Variants in AFF2 observed in about 807,000 individuals in gnomAD.
AFF2 encodes AF4/FMR2 family member 2.
Under a neutral mutation model 76.9 loss-of-function variants are expected in AFF2, and 14 were observed. That is an observed-to-expected ratio of 0.18 (90% CI 0.12 to 0.28). AFF2 has a LOEUF of 0.28. Ranked by LOEUF, AFF2 falls within the 10% of genes least tolerant of loss-of-function variation. AFF2 has a pLI of 1.00. For missense variants in AFF2, 868 were observed against 1,001.1 expected (o/e 0.87, Z 1.79); for synonymous variants, 398 against 366.7 (o/e 1.09, Z -0.98).
chrX:148,755,995 G>A (rs1021746819), intron 3 of AFF2, among the ~76,000 whole-genome samples: 3 of 112,049 alleles, frequency 2.7e-5, no homozygotes, highest in Admixed American at 1.9e-4. Flanking sequence ...TATTAAAAGA[G>A]GCTGGGCCCA....
intron 1 of AFF2, among the ~76,000 whole-genome samples, chrX:148,519,194 G>C (rs920091878): frequency 9.0e-6 from 1 of 111,448 alleles, no homozygotes; most frequent in Admixed American, 9.6e-5. Flanking sequence ...GTAGTGCAGG[G>C]ACCCTTCTCC....
At position 148,956,154 on chromosome X, in the gene AFF2, T is replaced by G. The variant is rs563593329; in HGVS notation, c.2109T>G (p.Ile703Met). The change falls in exon 11 of 21, where the codon ATT (isoleucine) becomes ATG (methionine). Residue 703 changes from isoleucine (I) to methionine (M), a missense_variant. Around this residue, in one of 6 missense-constraint regions of AFF2, gnomAD observed 532 missense variants for 564.2 expected, o/e 0.94. Coordinates refer to ENST00000370460, the MANE Select transcript of AFF2 (RefSeq NM_002025.4). ...AGAAGTACAGAGGGCCTGGCAAGAT[T>G]GTGCCAAAGTCTCGGGAATTCATTG... ...EKKKYRGPGKIVPKSREFIET... is the reference protein window; with the variant it reads ...EKKKYRGPGKMVPKSREFIET... 1.7e-5 allele frequency: 21 copies of G among 1,208,356 alleles called. No homozygotes were observed. In the African/African-American group the frequency reaches 2.1e-4, roughly 12 times the overall value.
chrX:148,775,005 C>T (rs1319772282), intron 3 of AFF2, among the ~76,000 whole-genome samples: 1 of 111,569 alleles, frequency 9.0e-6, no homozygotes, highest in African/African-American at 3.3e-5. Context: ...TTATGCATAA[C>T]CAACACATCC....
At chrX:148,978,283 TG>T in intron 17 of AFF2, 78 bp from the exon 18 acceptor site, 1 of 695,760 alleles carries the variant, frequency 1.4e-6, no homozygotes, top group Non-Finnish European at 2.2e-6. Flanking sequence ...CTGCAAATTG[TG>T]AATCAGCAGT....
At chrX:148,678,835 G>A (rs1166879557) in intron 3 of AFF2, among the ~76,000 whole-genome samples, 1 of 111,872 alleles carries the variant, frequency 8.9e-6, no homozygotes, top group East Asian at 2.8e-4. Context: ...AAAGGAAATT[G>A]TAGCTACAGT....
chrX:148,680,132 T>A (rs1325967686), intron 3 of AFF2, among the ~76,000 whole-genome samples: 1 of 111,861 alleles, frequency 8.9e-6, no homozygotes, highest in African/African-American at 3.3e-5. Context: ...ATTGAGCACA[T>A]CTACATGCAT....
chrX:148,699,287 T>G (rs1557261603), intron 3 of AFF2, among the ~76,000 whole-genome samples: 2 of 112,361 alleles, frequency 1.8e-5, no homozygotes, highest in Non-Finnish European at 3.8e-5. Context: ...CATATGGAAG[T>G]GCGCATAGGT....
At chrX:148,749,240 A>G (rs1175104985) in intron 3 of AFF2, among the ~76,000 whole-genome samples, 1 of 109,480 alleles carries the variant, frequency 9.1e-6, no homozygotes, top group Non-Finnish European at 1.9e-5. Context: ...TAAACTAGTG[A>G]AATTTACGTT....
At chrX:148,748,381 T>A (rs995063408) in intron 3 of AFF2, among the ~76,000 whole-genome samples, 2 of 112,065 alleles carry the variant, frequency 1.8e-5, no homozygotes, top group African/African-American at 6.5e-5. Flanking sequence ...GGTTAACAAG[T>A]ACTCAGTGAC....
At chrX:148,851,833 C>A (rs187744256) in intron 7 of AFF2, among the ~76,000 whole-genome samples, 7 of 110,040 alleles carry the variant, frequency 6.4e-5, no homozygotes, top group Non-Finnish European at 1.1e-4. Context: ...AGTTATAAAG[C>A]CCAGTACTCA....
chrX:148,852,104 A>AT (rs1168780846), intron 7 of AFF2, among the ~76,000 whole-genome samples: 10 of 110,922 alleles, frequency 9.0e-5, no homozygotes, highest in Non-Finnish European at 7.6e-5. Flanking sequence ...TATGTGCCAC[A>AT]TTTTCTTTAT....
At chrX:148,708,302 A>G (rs1432879479) in intron 3 of AFF2, among the ~76,000 whole-genome samples, 7 of 112,133 alleles carry the variant, frequency 6.2e-5, no homozygotes, top group Non-Finnish European at 1.1e-4. Context: ...AAGGAGCTAA[A>G]TCAAAGATTT....
intron 1 of AFF2, among the ~76,000 whole-genome samples, chrX:148,530,485 T>C (rs1249994175): frequency 1.8e-5 from 2 of 111,902 alleles, no homozygotes; most frequent in African/African-American, 3.2e-5. Flanking sequence ...TGCAGACTGT[T>C]CATAACTCCA....
intron 2 of AFF2, among the ~76,000 whole-genome samples, chrX:148,658,305 A>C (rs2054273281): frequency 8.9e-6 from 1 of 112,297 alleles, no homozygotes; most frequent in African/African-American, 3.2e-5. Flanking sequence ...CTCAGAAAGC[A>C]TCACCAGTGA....
At chrX:148,627,637 G>C (rs1839677897) in intron 1 of AFF2, among the ~76,000 whole-genome samples, 2 of 112,082 alleles carry the variant, frequency 1.8e-5, no homozygotes, top group African/African-American at 6.5e-5. Context: ...AAAATGAATG[G>C]TCTGGAAGCT....
chrX:148,701,376 C>T (rs1265823389), intron 3 of AFF2, among the ~76,000 whole-genome samples: 1 of 110,799 alleles, frequency 9.0e-6, no homozygotes, highest in Non-Finnish European at 1.9e-5. Context: ...ATATAGGGTC[C>T]TCCATCTGTT....
chrX:148,836,812 G>A (rs1557273849), intron 4 of AFF2, among the ~76,000 whole-genome samples: 1 of 111,770 alleles, frequency 8.9e-6, no homozygotes, highest in Non-Finnish European at 1.9e-5. Context: ...AGAGCTGAGA[G>A]GGTGTCCCTG....
rs187101481 is a variant in AFF2, at chrX:148,609,341, A to G, written c.48-42658A>G. 3.3e-3 allele frequency among the ~76,000 whole-genome samples: 366 copies of G among 111,886 alleles called. 1 individual carries two copies. Among genetic ancestry groups the G allele is most frequent in the African/African-American group, 0.012 (355 of 30,799 alleles). ...TTCTTTGATATGTGGCCTTGGTGTAATTTATAACAAGCTATAAATATTTGA... is the reference window on the plus strand; with the variant it reads ...TTCTTTGATATGTGGCCTTGGTGTAGTTTATAACAAGCTATAAATATTTGA... On this transcript the variant is annotated intron_variant, in intron 1 of 20. Coordinates refer to ENST00000370460, the MANE Select transcript of AFF2 (RefSeq NM_002025.4).
intron 1 of AFF2, among the ~76,000 whole-genome samples, chrX:148,574,943 GGTGT>G (rs781819721): frequency 0.039 from 3,711 of 95,521 alleles, 76 homozygotes; most frequent in Middle Eastern, 0.066. Context: ...ATAGTGCTGG[GGTGT>G]GTGTGTGTGT....
Sources: gnomAD v4.1 joint callset for allele counts (sites outside exome capture counted in the v4.1 genomes callset) on GRCh38, gnomAD v4.1.1 for gene constraint, gnomAD v4.1.1 regional missense constraint, MANE v1.5 for transcripts, NCBI Gene and HGNC (gene_info 2026-07-23, HGNC 2026-07-21) for gene names.